Variants in RGS6 observed in about 807,000 individuals in gnomAD.
The protein encoded by RGS6 is regulator of G-protein signaling 6.
RGS6 carries 30 observed loss-of-function variants against 78.5 expected under a neutral mutation model. That is an observed-to-expected ratio of 0.38 (90% CI 0.29 to 0.52). The LOEUF is 0.52. Ranked by LOEUF, RGS6 falls within the 20% of genes least tolerant of loss-of-function variation. RGS6 has a pLI of 0.85. For missense variants in RGS6, 495 were observed against 609.7 expected, an observed-to-expected ratio of 0.81 and a Z score of 1.98; for synonymous variants, 206 against 206.0, an observed-to-expected ratio of 1.00 and a Z score of 0.00.
intron 2 of RGS6, among the ~76,000 whole-genome samples, chr14:72,009,438 C>T (rs185662107): frequency 4.6e-5 from 7 of 152,316 alleles, no homozygotes; most frequent in African/African-American, 1.4e-4. Context: ...TGTCACAATA[C>T]GATGCTGGAG....
chr14:72,447,544 C>T (rs957622549), intron 3 of RGS6, among the ~76,000 whole-genome samples: 2 of 152,190 alleles, frequency 1.3e-5, no homozygotes, highest in Non-Finnish European at 2.9e-5. Flanking sequence ...CCCAGCCACG[C>T]AGATGACTGG....
chr14:72,586,894 C>T, the RGS6 span, among the ~76,000 whole-genome samples: 10 of 152,074 alleles, frequency 6.6e-5, no homozygotes, highest in East Asian at 1.5e-3. Context: ...AGTCAACCAA[C>T]GAGAATAAGA....
At chr14:72,019,387 T>C (rs1366671621) in intron 2 of RGS6, among the ~76,000 whole-genome samples, 1 of 152,242 alleles carries the variant, frequency 6.6e-6, no homozygotes, top group African/African-American at 2.4e-5. Flanking sequence ...ATGATCATGC[T>C]TGTCTGTGAG....
intron 2 of RGS6, among the ~76,000 whole-genome samples, chr14:72,179,711 T>C (rs2097150213): frequency 7.1e-6 from 1 of 140,114 alleles, no homozygotes; most frequent in East Asian, 2.2e-4. Flanking sequence ...TTTTAGGTTA[T>C]TTGTGAATTG....
chr14:72,435,946 A>G (rs1385123740), intron 3 of RGS6, among the ~76,000 whole-genome samples: 1 of 152,202 alleles, frequency 6.6e-6, no homozygotes, highest in Non-Finnish European at 1.5e-5. Context: ...CAGGACATGG[A>G]CATCGGGGGG....
chr14:71,892,837 C>G, the RGS6 span, among the ~76,000 whole-genome samples: 9 of 152,156 alleles, frequency 5.9e-5, no homozygotes, highest in Non-Finnish European at 1.3e-4. Context: ...TGGCATTTTA[C>G]GGCTTTTCAT....
intron 2 of RGS6, among the ~76,000 whole-genome samples, chr14:72,266,973 G>T (rs911944086): frequency 6.6e-6 from 1 of 150,450 alleles, no homozygotes; most frequent in African/African-American, 2.5e-5. Context: ...TACTACCCAT[G>T]AGCTAAGCAC....
chr14:72,551,589 C>T (rs1025244008), intron 17 of RGS6, among the ~76,000 whole-genome samples: 1 of 152,202 alleles, frequency 6.6e-6, no homozygotes, highest in Non-Finnish European at 1.5e-5. Context: ...CCTTTAGTAC[C>T]CACCAGAATG....
chr14:72,059,081 G>A (rs1482710613), intron 2 of RGS6, among the ~76,000 whole-genome samples: 1 of 152,008 alleles, frequency 6.6e-6, no homozygotes, highest in African/African-American at 2.4e-5. Flanking sequence ...TGTATTTTTA[G>A]TAGAGACGGG....
At chr14:72,320,611 A>G (rs1027068688) in intron 2 of RGS6, among the ~76,000 whole-genome samples, 2 of 151,492 alleles carry the variant, frequency 1.3e-5, no homozygotes, top group African/African-American at 4.8e-5. Flanking sequence ...ATAAAAAATA[A>G]AAAACTATTA....
At chr14:72,618,928 C>A in the RGS6 span, among the ~76,000 whole-genome samples, 1 of 152,192 alleles carries the variant, frequency 6.6e-6, no homozygotes, top group South Asian at 2.1e-4. Context: ...GATAAAAAAA[C>A]ACCACACTAC....
intron 2 of RGS6, among the ~76,000 whole-genome samples, chr14:72,315,378 T>G (rs946311508): frequency 6.6e-6 from 1 of 152,242 alleles, no homozygotes; most frequent in Non-Finnish European, 1.5e-5. Flanking sequence ...TTGTTGTGTT[T>G]TCTTTAAATG....
chr14:72,398,160 G>A (rs941872950), intron 3 of RGS6, among the ~76,000 whole-genome samples: 3 of 152,078 alleles, frequency 2.0e-5, no homozygotes, highest in Non-Finnish European at 4.4e-5. Context: ...GGTAGAATTC[G>A]GCTGTGAATC....
intron 2 of RGS6, among the ~76,000 whole-genome samples, chr14:72,008,654 T>TG (rs1402530911): frequency 2.0e-5 from 3 of 152,120 alleles, no homozygotes; most frequent in Non-Finnish European, 2.9e-5. Flanking sequence ...TCCCTCACGG[T>TG]GGGGAAAGCC....
chr14:72,109,527 G>C (rs547280846), intron 2 of RGS6, among the ~76,000 whole-genome samples: 4 of 152,130 alleles, frequency 2.6e-5, no homozygotes, highest in African/African-American at 9.7e-5. Flanking sequence ...CTTAATTATG[G>C]GAAGTAATGA....
chr14:72,608,769 G>A, the RGS6 span, among the ~76,000 whole-genome samples: 23 of 152,174 alleles, frequency 1.5e-4, no homozygotes, highest in Non-Finnish European at 2.9e-4. Context: ...TATGTATGAC[G>A]TGGCCAGAAG....
At chr14:72,148,219 A>C (rs1012385107) in intron 2 of RGS6, among the ~76,000 whole-genome samples, 10 of 151,054 alleles carry the variant, frequency 6.6e-5, no homozygotes, top group Non-Finnish European at 2.9e-5. Context: ...CATAGCAAGA[A>C]CCCATCTCTA....
At chr14:72,367,033 T>C (rs191802804) in intron 3 of RGS6, among the ~76,000 whole-genome samples, 1 of 152,234 alleles carries the variant, frequency 6.6e-6, no homozygotes, top group African/African-American at 2.4e-5. Flanking sequence ...ATTCTTGCAG[T>C]CAGGAAGATT....
chr14:71,966,108 G>GA (rs2093494583), intron 2 of RGS6, among the ~76,000 whole-genome samples: 1 of 151,934 alleles, frequency 6.6e-6, no homozygotes, highest in Non-Finnish European at 1.5e-5. Context: ...GCATGTTTGT[G>GA]AAAATTTAAA....
Sources: allele counts gnomAD v4.1 joint callset (sites outside exome capture counted in the v4.1 genomes callset), GRCh38; gene constraint gnomAD v4.1.1; transcripts MANE v1.5; gene names NCBI Gene and HGNC (gene_info 2026-07-23, HGNC 2026-07-21).